Variants in LRRTM4 observed in about 807,000 individuals in gnomAD.
LRRTM4 encodes leucine rich repeat transmembrane neuronal 4.
A neutral mutation model predicts 47.6 loss-of-function variants in LRRTM4; 25 were observed. The observed-to-expected ratio is 0.53, with a 90% CI of 0.38 to 0.73. The LOEUF is 0.73. Among genes scored for constraint, LRRTM4 ranks in the 30% least tolerant of loss-of-function variants. LRRTM4 has a pLI of 0.00. For synonymous variants in LRRTM4, 311 were observed against 269.5 expected (o/e 1.15, Z -1.51); for missense variants, 638 against 713.4 (o/e 0.89, Z 1.20).
chr2:77,296,468 C>A (rs1676976410), intron 3 of LRRTM4, among the ~76,000 whole-genome samples: 1 of 151,734 alleles, frequency 6.6e-6, no homozygotes, highest in Non-Finnish European at 1.5e-5. Context: ...TTTTGGTATG[C>A]CTGTTAATTT....
intron 3 of LRRTM4, among the ~76,000 whole-genome samples, chr2:76,936,239 C>A (rs992024599): frequency 1.3e-5 from 2 of 152,046 alleles, no homozygotes; most frequent in African/African-American, 4.8e-5. Context: ...GCATATATAC[C>A]ATGGACTACT....
chr2:77,385,483 C>T (rs1673224103), intron 3 of LRRTM4, among the ~76,000 whole-genome samples: 1 of 152,100 alleles, frequency 6.6e-6, no homozygotes, highest in Admixed American at 6.6e-5. Flanking sequence ...TCTTAATTAA[C>T]CCAGTCACTG....
intron 3 of LRRTM4, among the ~76,000 whole-genome samples, chr2:77,438,887 T>C (rs1175880845): frequency 6.6e-6 from 1 of 152,156 alleles, no homozygotes; most frequent in Non-Finnish European, 1.5e-5. Context: ...GGATACAATC[T>C]CAAAACTTTC....
At chr2:76,983,115 T>G (rs962588441) in intron 3 of LRRTM4, among the ~76,000 whole-genome samples, 2 of 152,026 alleles carry the variant, frequency 1.3e-5, no homozygotes, top group Middle Eastern at 3.2e-3. Flanking sequence ...CCCAGCATAA[T>G]GGTAAAATGG....
intron 3 of LRRTM4, among the ~76,000 whole-genome samples, chr2:76,804,780 T>TTA (rs1036980648): frequency 1.1e-4 from 17 of 149,806 alleles, no homozygotes; most frequent in Non-Finnish European, 2.2e-4. Flanking sequence ...ATATCATGTT[T>TTA]TATATATATA....
chr2:77,193,169 T>C (rs1673721247), intron 3 of LRRTM4, among the ~76,000 whole-genome samples: 1 of 152,146 alleles, frequency 6.6e-6, no homozygotes, highest in South Asian at 2.1e-4. Context: ...TTTAATACAG[T>C]AACAGGCTGT....
intron 3 of LRRTM4, among the ~76,000 whole-genome samples, chr2:76,803,815 A>C (rs1675825296): frequency 6.6e-6 from 1 of 152,152 alleles, no homozygotes; most frequent in Non-Finnish European, 1.5e-5. Context: ...CGGTCCCTGA[A>C]ACATCTGTAC....
In LRRTM4 at chr2:77,311,074, C is replaced by A. The variant is rs1199190326; in HGVS notation, c.1551+207244G>T. ...TATACACACACATATATATATATAT[C>A]ATTTGACCTAAAATAGACTTTTAAA... On this transcript the variant is annotated intron_variant, in intron 3 of 3. Coordinates refer to ENST00000409884, the MANE Select transcript of LRRTM4 (RefSeq NM_001134745.3). 4.0e-5 allele frequency among the ~76,000 whole-genome samples: 6 copies of A among 150,004 alleles called. No individual in the cohort carries two copies. The South Asian group carries it at 8.3e-4, about 21-fold the overall frequency.
chr2:77,013,452 A>C (rs1380609695), intron 3 of LRRTM4, among the ~76,000 whole-genome samples: 4 of 152,088 alleles, frequency 2.6e-5, no homozygotes, highest in African/African-American at 9.7e-5. Context: ...TTGGATGGAA[A>C]ACTGGTAGTC....
rs13431229 is a variant in LRRTM4 at position 76,910,145 on chromosome 2, A to C, written c.1552-161229T>G. Among the ~76,000 whole-genome samples the C allele has an allele frequency of 3.3e-3, 508 of 151,712 alleles. 4 individuals are homozygous for C. The highest frequency in any genetic ancestry group is 0.012 in the African/African-American group (478 of 41,350). On this transcript the variant is annotated intron_variant, in intron 3 of 3. Transcript: ENST00000409884. ...GATTAAGAAAATGTGGCACATAGACACCATGGAATACTATGCAGCCATAAA... is the reference window on the plus strand; with the variant it reads ...GATTAAGAAAATGTGGCACATAGACCCCATGGAATACTATGCAGCCATAAA...
chr2:77,352,301 A>T (rs1039342437), intron 3 of LRRTM4, among the ~76,000 whole-genome samples: 1 of 152,162 alleles, frequency 6.6e-6, no homozygotes, highest in East Asian at 1.9e-4. Context: ...TGTATAACCC[A>T]TCAGATGGCC....
chr2:76,749,042 A>G, intron 3 of LRRTM4, 126 bp from the exon 4 acceptor site: 1 of 683,290 alleles, frequency 1.5e-6, no homozygotes, highest in African/African-American at 1.8e-5. Context: ...AAATTCAACT[A>G]CAAATAAACA....
At chr2:77,315,941 A>G (rs1558684914) in intron 3 of LRRTM4, among the ~76,000 whole-genome samples, 1 of 152,206 alleles carries the variant, frequency 6.6e-6, no homozygotes, top group East Asian at 1.9e-4. Context: ...CTTTGGGCAA[A>G]GTAATTAGCA....
intron 3 of LRRTM4, among the ~76,000 whole-genome samples, chr2:76,929,922 AGTTTGTGTGTGTGT>A: frequency 9.8e-6 from 1 of 102,286 alleles, no homozygotes; most frequent in Non-Finnish European, 1.9e-5. Context: ...TTGCAATTAG[AGTTTGTGTGTGTGT>A]GTGTGTGTGT....
intron 3 of LRRTM4, among the ~76,000 whole-genome samples, chr2:76,999,291 A>G (rs1036260726): frequency 1.3e-5 from 2 of 151,888 alleles, no homozygotes; most frequent in African/African-American, 2.4e-5. Flanking sequence ...ACAATTCTCA[A>G]GTGAACAGTT....
chr2:77,077,227 C>G (rs575858493), intron 3 of LRRTM4, among the ~76,000 whole-genome samples: 1 of 152,086 alleles, frequency 6.6e-6, no homozygotes, highest in African/African-American at 2.4e-5. Context: ...TCACTTAAAA[C>G]AGAAGTATCA....
At chr2:76,778,738 G>A (rs909257315) in intron 3 of LRRTM4, among the ~76,000 whole-genome samples, 4 of 150,396 alleles carry the variant, frequency 2.7e-5, no homozygotes, top group African/African-American at 9.8e-5. Context: ...TTTTTTGAAG[G>A]GTTTTTTGTG....
chr2:77,120,197 G>A (rs1335274172), intron 3 of LRRTM4, among the ~76,000 whole-genome samples: 1 of 151,784 alleles, frequency 6.6e-6, no homozygotes, highest in Non-Finnish European at 1.5e-5. Context: ...CACATCTCTT[G>A]TGCTTAGAAC....
intron 3 of LRRTM4, among the ~76,000 whole-genome samples, chr2:77,165,041 A>G (rs1672839635): frequency 6.6e-6 from 1 of 152,132 alleles, no homozygotes; most frequent in Non-Finnish European, 1.5e-5. Context: ...TTTTGAAAAG[A>G]TCAACAAAAT....
Sources: gnomAD v4.1 joint callset for allele counts (sites outside exome capture counted in the v4.1 genomes callset) on GRCh38, gnomAD v4.1.1 for gene constraint, MANE v1.5 for transcripts, NCBI Gene and HGNC (gene_info 2026-07-23, HGNC 2026-07-21) for gene names.